Variants in PCBP4 observed in about 807,000 individuals in gnomAD.
PCBP4 encodes poly(rC)-binding protein 4.
A neutral mutation model predicts 46.2 loss-of-function variants in PCBP4; 24 were observed. The observed-to-expected ratio is 0.52, with a 90% CI of 0.38 to 0.73. The LOEUF (loss-of-function observed/expected upper bound fraction) is 0.73. PCBP4 is among the 30% of genes least tolerant of loss of function. The probability of loss-of-function intolerance (pLI) is 0.00; values close to 1 mark genes in which losing one functional copy is unlikely to be tolerated. For missense variants in PCBP4, 407 were observed against 537.0 expected (o/e 0.76, Z 2.39); for synonymous variants, 203 against 224.4 (o/e 0.90, Z 0.85).
Position 51,957,834 on chromosome 3 carries a change from A to G in PCBP4, c.*227T>C. On this transcript the variant is annotated 3_prime_UTR_variant, in exon 14 of 14. Coordinates refer to ENST00000461554, the MANE Select transcript of PCBP4 (RefSeq NM_001174100.2). The stretch of plus-strand genomic sequence containing the variant: ...TATCCAAGCACAGAGCTGAGGAGGT[A>G]GGGCCCCCTGCCCTGGGGCTGCCGC... The G allele has an allele frequency of 2.5e-6, 1 of 404,618 alleles. No homozygotes were observed. The highest frequency in any genetic ancestry group is 2.1e-5 in the African/African-American group (1 of 48,636). 25.1% of individuals were successfully genotyped at this position (404,618 alleles called of 1,614,324 possible).
chr3:51,959,599 G>A lies in PCBP4; in HGVS notation c.569C>T (p.Thr190Ile). ...IPYHPSLSLG[T>I]VLLSANQGFS... ...CACCTGGTTGGCAGAGAGAAGAACA[G>A]TACCTAGGGAGAGGCTCGGATGGTA... The change falls in exon 9 of 14, where the codon ACT becomes ATT. Residue 190 changes from threonine (T) to isoleucine (I), a missense_variant. Physicochemically the swap from Thr to Ile is moderately conservative, Grantham distance 89 (BLOSUM62 -1). Coordinates refer to ENST00000461554, the MANE Select transcript of PCBP4 (RefSeq NM_001174100.2). The surrounding 1 kb of genome is among the most constrained non-coding windows in gnomAD (Gnocchi z 5.6). 6.4e-7 allele frequency: 1 copy of A among 1,553,112 alleles called. No individual in the cohort carries two copies. The highest frequency in any genetic ancestry group is 8.7e-7 in the Non-Finnish European group (1 of 1,147,528).
chr3:51,959,135 G>A lies in PCBP4; in HGVS notation c.701-36C>T. Reference sequence around the variant, plus strand: ...GAAGAGGGACTGAGTGTGGTTCTGGGCCTTTCCCGCCCCACCATTTCCACT... The same window carrying A: ...GAAGAGGGACTGAGTGTGGTTCTGGACCTTTCCCGCCCCACCATTTCCACT... On this transcript the variant is annotated intron_variant, in intron 11 of 13. Coordinates refer to ENST00000461554, the MANE Select transcript of PCBP4 (RefSeq NM_001174100.2). The surrounding 1 kb of genome is among the most constrained non-coding windows in gnomAD (Gnocchi z 5.6). 2 of 1,613,266 alleles carry A rather than the reference G, an allele frequency of 1.2e-6. No homozygotes were observed. Among genetic ancestry groups the A allele is most frequent in the Admixed American group, 1.7e-5 (1 of 59,992 alleles).
rs371898547 is a variant in PCBP4 at position 51,960,476 on chromosome 3, G to A, written c.255+50C>T. The A allele has an allele frequency of 7.6e-6, 12 of 1,568,786 alleles. No homozygotes were observed. The highest frequency in any genetic ancestry group is 1.1e-5 in the Non-Finnish European group (12 of 1,139,198). On this transcript the variant is annotated intron_variant, in intron 6 of 13. Transcript: ENST00000461554. The surrounding 1 kb of genome is among the most constrained non-coding windows in gnomAD (Gnocchi z 5.0). ...AGCCACTATCTGGAGTCAGAGTTGGGTTCCTCCTGGGGAACCACTCTTGGC... is the reference window on the plus strand; with the variant it reads ...AGCCACTATCTGGAGTCAGAGTTGGATTCCTCCTGGGGAACCACTCTTGGC...
chr3:51,960,856 C>T lies in PCBP4; in HGVS notation c.138+10G>A. On this transcript the variant is annotated intron_variant, in intron 5 of 13. Transcript: ENST00000461554. The surrounding 1 kb of genome is among the most constrained non-coding windows in gnomAD (Gnocchi z 5.0). ...GTGCCCTGGGCTCCTCCCCCAAACT[C>T]CATCCTCACCTGCTCCCGGATTCGC... 1 of 1,614,164 alleles carries T rather than the reference C, an allele frequency of 6.2e-7. No individual in the cohort carries two copies. The highest frequency in any genetic ancestry group is 8.5e-7 in the Non-Finnish European group (1 of 1,179,982).
chr3:51,959,455 C>T lies in PCBP4; in HGVS notation c.592-44G>A. 1 of 1,564,314 alleles carries T rather than the reference C, an allele frequency of 6.4e-7. No homozygotes were observed. ...TGAAAAGGGGGTTACTGTGACATTG[C>T]AGTTCAGCCAGAGTCACTCCTTCCC... On this transcript the variant is annotated intron_variant, in intron 9 of 13. Transcript: ENST00000461554. This position sits in a 1 kb window ranked among gnomAD's most constrained non-coding sequence, Gnocchi z 5.6.
chr3:51,959,695 C>T lies in PCBP4; in HGVS notation c.517-44G>A, dbSNP rs529519206. The T allele has an allele frequency of 2.2e-5, 34 of 1,524,330 alleles. No homozygotes were observed. The East Asian group carries it at 3.2e-4, about 14-fold the overall frequency. The allele number at this position is 1,524,330 out of a possible 1,614,324, so 94.4% of individuals were successfully genotyped here. ...GCTCTGTCAGGACCCTCTCAGGCTC[C>T]GATAACCTCCCCAGCTGCCCAGTGG... On this transcript the variant is annotated intron_variant, in intron 8 of 13. Transcript: ENST00000461554. The surrounding 1 kb of genome is among the most constrained non-coding windows in gnomAD (Gnocchi z 5.6).
Position 51,960,781 on chromosome 3 carries a change from A to G in PCBP4, c.138+85T>C. 7.2e-6 allele frequency: 11 copies of G among 1,535,162 alleles called. No homozygotes were observed. The highest frequency in any genetic ancestry group is 9.9e-6 in the Non-Finnish European group (11 of 1,108,512). The stretch of plus-strand genomic sequence containing the variant: ...CTGGGGGACTCACTGGTCAGCCCAG[A>G]AGGAGTGGTTCAGAGAGAAAGTGGG... On this transcript the variant is annotated intron_variant, in intron 5 of 13. Transcript: ENST00000461554. The surrounding 1 kb of genome is among the most constrained non-coding windows in gnomAD (Gnocchi z 5.0).
intron 1 of PCBP4, among the ~76,000 whole-genome samples, chr3:51,966,709 C>G (rs1019151450): frequency 1.3e-5 from 2 of 152,028 alleles, no homozygotes; most frequent in Non-Finnish European, 2.9e-5. Flanking sequence ...CTCAAGATGG[C>G]GGGCCAGGGA....
At chr3:51,962,523 A>C (rs551531010) in intron 1 of PCBP4, among the ~76,000 whole-genome samples, 4 of 152,198 alleles carry the variant, frequency 2.6e-5, no homozygotes, top group Non-Finnish European at 5.9e-5. Flanking sequence ...GTCTGGGCCA[A>C]GACCAAGCCC....
intron 2 of PCBP4, chr3:51,961,509 G>T: frequency 1.6e-6 from 1 of 610,240 alleles, no homozygotes; most frequent in Non-Finnish European, 2.7e-6. Context: ...AACCCTCTGA[G>T]CCTCAGCTTC....
In PCBP4 at chr3:51,961,269, A is replaced by G. The variant is rs1700163586; in HGVS notation, c.-29T>C. 5 of 1,605,534 alleles carry G rather than the reference A, an allele frequency of 3.1e-6. No homozygotes were observed. In the East Asian group the frequency reaches 1.1e-4, roughly 36 times the overall value. The stretch of plus-strand genomic sequence containing the variant: ...GTCAGGCGAGGCTGGGGCCACAGCG[A>G]CCTGCGAGTGTGTCCGCGCTGCAAC... On this transcript the variant is annotated 5_prime_UTR_variant, in exon 3 of 14. Transcript: ENST00000461554.
At chr3:51,961,429 C>T (rs917109197) in intron 2 of PCBP4, 125 bp from the exon 3 acceptor site, 115 of 1,104,694 alleles carry the variant, frequency 1.0e-4, no homozygotes, top group Non-Finnish European at 1.4e-4. Context: ...GGACCTTGAG[C>T]GCCACACATC....
At chr3:51,963,515 C>T (rs1559763880) in intron 1 of PCBP4, among the ~76,000 whole-genome samples, 1 of 152,206 alleles carries the variant, frequency 6.6e-6, no homozygotes, top group Non-Finnish European at 1.5e-5. Context: ...TCAAGGACCC[C>T]CTTGGGATGG....
At chr3:51,965,777 C>T (rs1482062766) in intron 1 of PCBP4, among the ~76,000 whole-genome samples, 1 of 152,120 alleles carries the variant, frequency 6.6e-6, no homozygotes, top group Non-Finnish European at 1.5e-5. Flanking sequence ...TTCTCAGCAT[C>T]CCCAGCCCTA....
rs1194872241 is a variant in PCBP4, at chr3:51,960,582, C to T, written c.199G>A (p.Gly67Arg). The T allele has an allele frequency of 6.2e-7, 1 of 1,614,060 alleles. No individual in the cohort carries two copies. The highest frequency in any genetic ancestry group is 8.5e-7 in the Non-Finnish European group (1 of 1,180,016). Residue 67 changes from glycine to arginine, a missense_variant, in exon 6 of 14, where the codon GGG (glycine) becomes AGG (arginine). Transcript: ENST00000461554. This position sits in a 1 kb window ranked among gnomAD's most constrained non-coding sequence, Gnocchi z 5.0. ...GCATGGAAGACAGCTGCTGTAGACC[C>T]GGTGATGGTGGTGATGCGTTCAGGG... ...SCPERITTIT[G>R]STAAVFHAVS...
At position 51,958,987 on chromosome 3, in the gene PCBP4, G is replaced by T; in HGVS notation, c.754-28C>A. 1 of 1,613,718 alleles carries T rather than the reference G, an allele frequency of 6.2e-7. No homozygotes were observed. Among genetic ancestry groups the T allele is most frequent in the Non-Finnish European group, 8.5e-7 (1 of 1,179,808 alleles). On this transcript the variant is annotated intron_variant, in intron 12 of 13. Transcript: ENST00000461554. The surrounding 1 kb of genome is among the most constrained non-coding windows in gnomAD (Gnocchi z 5.4). ...AGAGGGAAGGCAGAATTCAGCCCTGGGTGAGGTCCAGACCCCCAGACCCCC... is the reference window on the plus strand; with the variant it reads ...AGAGGGAAGGCAGAATTCAGCCCTGTGTGAGGTCCAGACCCCCAGACCCCC...
At position 51,960,714 on chromosome 3, in the gene PCBP4, C is replaced by T; in HGVS notation, c.139-72G>A. ...CCCTTGCCGGAACTTGTCTGCCTGCCCCACTCACCAGGCCTGAGGCAAGGC... is the reference window on the plus strand; with the variant it reads ...CCCTTGCCGGAACTTGTCTGCCTGCTCCACTCACCAGGCCTGAGGCAAGGC... On this transcript the variant is annotated intron_variant, in intron 5 of 13. Transcript: ENST00000461554. This position sits in a 1 kb window ranked among gnomAD's most constrained non-coding sequence, Gnocchi z 5.0. 2 of 1,469,196 alleles carry T rather than the reference C, an allele frequency of 1.4e-6. No individual in the cohort carries two copies. The highest frequency in any genetic ancestry group is 1.9e-6 in the Non-Finnish European group (2 of 1,048,016). The allele number at this position is 1,469,196 out of a possible 1,614,324, so 91.0% of individuals were successfully genotyped here.
Position 51,959,425 on chromosome 3 carries a change from G to A in PCBP4, c.592-14C>T. On this transcript the variant is annotated splice_polypyrimidine_tract_variant and intron_variant, in intron 9 of 13. Transcript: ENST00000461554. The surrounding 1 kb of genome is among the most constrained non-coding windows in gnomAD (Gnocchi z 5.6). ...GACAGAGAAGCCCTGTGGGGACAAA[G>A]TGGATGAAAAGGGGGTTACTGTGAC... is the stretch of plus-strand genomic sequence containing the variant. The A allele has an allele frequency of 1.3e-6, 2 of 1,599,872 alleles. No individual in the cohort carries two copies. The highest frequency in any genetic ancestry group is 8.5e-7 in the Non-Finnish European group (1 of 1,171,896).
intron 1 of PCBP4, among the ~76,000 whole-genome samples, chr3:51,962,619 C>T (rs1398373218): frequency 6.6e-6 from 1 of 152,118 alleles, no homozygotes; most frequent in Admixed American, 6.5e-5. Flanking sequence ...AGTCTCTGGG[C>T]GCCTTCCTCC....
Sources: allele counts gnomAD v4.1 joint callset (sites outside exome capture counted in the v4.1 genomes callset), GRCh38; gene constraint gnomAD v4.1.1; non-coding constraint Gnocchi (gnomAD v3.1); transcripts MANE v1.5; gene names NCBI Gene and HGNC (gene_info 2026-07-23, HGNC 2026-07-21).